The following NCAPD3 variants were observed in gnomAD, a reference collection of about 807,000 sequenced individuals.
NCAPD3 encodes the protein condensin-2 complex subunit D3.
NCAPD3 carries 105 observed loss-of-function variants against 182.9 expected under a neutral mutation model. That is an observed-to-expected ratio of 0.57 (90% CI 0.49 to 0.68). The LOEUF is 0.68. Ranked by LOEUF, NCAPD3 falls within the 30% of genes least tolerant of loss-of-function variation. The pLI, the probability that NCAPD3 is intolerant of heterozygous loss-of-function variation, is 0.00. For missense variants in NCAPD3, 1,944 were observed against 1,837.0 expected, an observed-to-expected ratio of 1.06 and a Z score of -1.07; for synonymous variants, 815 against 679.9, an observed-to-expected ratio of 1.20 and a Z score of -3.09.
intron 16 of NCAPD3, among the ~76,000 whole-genome samples, chr11:134,189,472 C>T (rs972772536): frequency 3.3e-5 from 5 of 152,150 alleles, no homozygotes; most frequent in Admixed American, 6.5e-5. Flanking sequence ...AGTTTTGGCA[C>T]GTATTCAGTT....
rs755076357 is a variant in NCAPD3, at chr11:134,210,438, T to C, written c.399A>G (p.Gln133=). ...LLEVPGSVAN[Q]VFHPVMFDKC... ...TGTCAAACATCACTGGGTGGAATACTTGATTGGCTACACTGCCTATTCATG... is the reference window on the plus strand; with the variant it reads ...TGTCAAACATCACTGGGTGGAATACCTGATTGGCTACACTGCCTATTCATG... The change falls in exon 4 of 35, where the codon CAA becomes CAG. Residue 133 remains glutamine, a synonymous_variant. Coordinates refer to ENST00000534548, the MANE Select transcript of NCAPD3 (RefSeq NM_015261.3). The C allele has an allele frequency of 6.2e-7, 1 of 1,613,900 alleles. No individual in the cohort carries two copies. The highest frequency in any genetic ancestry group is 1.7e-5 in the Admixed American group (1 of 59,988).
At chr11:134,212,590 C>T (rs1009567083) in intron 3 of NCAPD3, among the ~76,000 whole-genome samples, 2 of 152,056 alleles carry the variant, frequency 1.3e-5, no homozygotes, top group African/African-American at 4.8e-5. Flanking sequence ...ATGGGTTTCA[C>T]CATGTTGGCC....
chr11:134,185,383 G>C lies in NCAPD3; in HGVS notation c.2189C>G (p.Pro730Arg). The change falls in exon 17 of 35, where the codon CCC becomes CGC. Residue 730 changes from proline to arginine, a missense_variant. This residue lies in a region of NCAPD3 where 1,803 missense variants were observed against 1,674.6 expected (regional missense o/e 1.08). Transcript: ENST00000534548. ...TATTATTCTGCTGTAGTCCAGCCTGGGTGAGGAGCCAGCAATCTTGGAGAG... is the reference window on the plus strand; with the variant it reads ...TATTATTCTGCTGTAGTCCAGCCTGCGTGAGGAGCCAGCAATCTTGGAGAG... ...MLLSKIAGSS[P>R]RLDYSRIIQS... The C allele has an allele frequency of 6.2e-7, 1 of 1,613,850 alleles. No individual in the cohort carries two copies. Among genetic ancestry groups the C allele is most frequent in the Non-Finnish European group, 8.5e-7 (1 of 1,179,908 alleles).
At chr11:134,185,041 T>TA (rs530236277) in intron 17 of NCAPD3, 41 bp from the exon 18 acceptor site, 22 of 1,445,540 alleles carry the variant, frequency 1.5e-5, no homozygotes, top group Non-Finnish European at 2.1e-5. Context: ...AGAAGCAAGT[T>TA]AAACACTGCT....
rs2135960567 is a variant in NCAPD3 at position 134,168,526 on chromosome 11, G to A, written c.3316C>T (p.His1106Tyr). The change falls in exon 26 of 35, where the codon CAC becomes TAC. Residue 1106 changes from histidine to tyrosine, a missense_variant. Physicochemically the swap from His to Tyr is moderately conservative, Grantham distance 83 (BLOSUM62 2). This residue lies in a region of NCAPD3 where 1,803 missense variants were observed against 1,674.6 expected (regional missense o/e 1.08). Transcript: ENST00000534548. ...TTGAATCGCTGTTCATCTGTGAAGTGCTCTAGAAGAAATTTGTAGATTTTC... is the reference window on the plus strand; with the variant it reads ...TTGAATCGCTGTTCATCTGTGAAGTACTCTAGAAGAAATTTGTAGATTTTC... Reference protein sequence around the residue: ...RMKIYKFLLEHFTDEQRFNIT... With the variant: ...RMKIYKFLLEYFTDEQRFNIT... The A allele has an allele frequency of 6.2e-7, 1 of 1,614,184 alleles. No homozygotes were observed. Among genetic ancestry groups the A allele is most frequent in the African/African-American group, 1.3e-5 (1 of 75,046 alleles).
chr11:134,193,946 G>C, intron 15 of NCAPD3, 70 bp downstream of exon 15: 2 of 1,479,662 alleles, frequency 1.4e-6, no homozygotes, highest in Non-Finnish European at 1.9e-6. Flanking sequence ...TTAGCAGCAG[G>C]TAATTATTGT....
At chr11:134,192,381 T>G (rs527390573) in intron 16 of NCAPD3, among the ~76,000 whole-genome samples, 105 of 152,312 alleles carry the variant, frequency 6.9e-4, no homozygotes, top group African/African-American at 2.4e-3. Flanking sequence ...TAACCAGTAT[T>G]GGGGAAAGGT....
intron 27 of NCAPD3, among the ~76,000 whole-genome samples, chr11:134,162,616 TAA>T (rs1298915221): frequency 6.6e-6 from 1 of 152,200 alleles, no homozygotes; most frequent in South Asian, 2.1e-4. Context: ...TACTCATTTC[TAA>T]AAAGTCTTAT....
rs568529607 is a variant in NCAPD3 at position 134,211,359 on chromosome 11, A to C, written c.383-905T>G. On this transcript the variant is annotated intron_variant, in intron 3 of 34. Transcript: ENST00000534548. ...CACTCAACAACATTCCAAATGCCCA[A>C]CATCCTGGCTAAGGGCAGTGGCTCA... is the stretch of plus-strand genomic sequence containing the variant. Among the ~76,000 whole-genome samples the C allele has an allele frequency of 3.9e-5, 6 of 152,306 alleles. No individual in the cohort carries two copies. In the South Asian group the frequency reaches 1.2e-3, roughly 32 times the overall value.
chr11:134,159,516 G>A (rs1409765483), intron 29 of NCAPD3, among the ~76,000 whole-genome samples: 1 of 152,224 alleles, frequency 6.6e-6, no homozygotes, highest in Non-Finnish European at 1.5e-5. Context: ...CAAGAGATCT[G>A]CCTGCATTCC....
chr11:134,165,788 G>C (rs1395215969), intron 27 of NCAPD3, among the ~76,000 whole-genome samples: 3 of 136,330 alleles, frequency 2.2e-5, no homozygotes, highest in Non-Finnish European at 4.6e-5. Context: ...CGTGAGAGGA[G>C]CTTAGGGGAG....
chr11:134,186,802 G>A (rs1257491026), intron 16 of NCAPD3, among the ~76,000 whole-genome samples: 1 of 152,108 alleles, frequency 6.6e-6, no homozygotes, highest in East Asian at 1.9e-4. Flanking sequence ...ATAAGCATAT[G>A]CATATAAATG....
chr11:134,153,143 T>G lies in NCAPD3; in HGVS notation c.4385A>C (p.Lys1462Thr). The change falls in exon 34 of 35, where the codon AAA (lysine) becomes ACA (threonine). Residue 1462 changes from lysine to threonine, a missense_variant. Lys to Thr is a moderately conservative substitution (Grantham distance 78). This residue lies in a region of NCAPD3 where 1,803 missense variants were observed against 1,674.6 expected (regional missense o/e 1.08). Transcript: ENST00000534548. ...AAAGGAACACTGCTAAACTTACGGT[T>G]TATCAGGCAGTGATAAACATAAGAT... ...NDILCLSLPD[K>T]PPPQPQQWNV... 6.2e-7 allele frequency: 1 copy of G among 1,613,992 alleles called. No individual in the cohort carries two copies. Among genetic ancestry groups the G allele is most frequent in the African/African-American group, 1.3e-5 (1 of 74,994 alleles).
upstream of NCAPD3, chr11:134,224,557 GC>G (rs1938382384): frequency 6.6e-6 from 1 of 152,328 alleles, no homozygotes; most frequent in Admixed American, 6.5e-5. Flanking sequence ...CCCTGCGCAT[GC>G]GCAGCGAGCT....
intron 24 of NCAPD3, among the ~76,000 whole-genome samples, chr11:134,174,044 A>G (rs1944093959): frequency 1.3e-5 from 2 of 152,120 alleles, no homozygotes; most frequent in South Asian, 4.1e-4. Context: ...AAAAAATTCA[A>G]TAGGCTCTGC....
At chr11:134,200,299 A>T (rs1479178913) in intron 13 of NCAPD3, among the ~76,000 whole-genome samples, 1 of 152,226 alleles carries the variant, frequency 6.6e-6, no homozygotes, top group African/African-American at 2.4e-5. Context: ...CCATTTGAAA[A>T]GACAACCCAC....
At position 134,168,938 on chromosome 11, in the gene NCAPD3, T is replaced by A; in HGVS notation, c.3218A>T (p.Asn1073Ile). ...FNNYEKHEKY[N>I]KFPQSEREKR... ...TGACCTCTCTGACTGGGGGAACTTG[T>A]TGTACTTCTCATGCTTCTCATAGTT... The change falls in exon 25 of 35, where the codon AAC becomes ATC. Residue 1073 changes from asparagine (N) to isoleucine (I), a missense_variant. Around this residue, in one of 3 missense-constraint regions of NCAPD3, gnomAD observed 1,803 missense variants for 1,674.6 expected, o/e 1.08. Coordinates refer to ENST00000534548, the MANE Select transcript of NCAPD3 (RefSeq NM_015261.3). The A allele has an allele frequency of 1.2e-6, 2 of 1,613,854 alleles. No homozygotes were observed. Among genetic ancestry groups the A allele is most frequent in the Non-Finnish European group, 1.7e-6 (2 of 1,179,854 alleles).
intron 32 of NCAPD3, 143 bp from the exon 33 acceptor site, chr11:134,153,506 G>T (rs553884806): frequency 6.2e-6 from 5 of 811,604 alleles, no homozygotes; most frequent in African/African-American, 3.4e-5. Flanking sequence ...CCTGTCCCAG[G>T]GCCTGGCAGT....
chr11:134,169,313 G>A (rs947562226), intron 24 of NCAPD3, among the ~76,000 whole-genome samples: 8 of 152,184 alleles, frequency 5.3e-5, no homozygotes, highest in African/African-American at 1.9e-4. Flanking sequence ...GACACAAGGT[G>A]TTGTCATCCA....
Sources: gnomAD v4.1 joint callset for allele counts (sites outside exome capture counted in the v4.1 genomes callset) on GRCh38, gnomAD v4.1.1 for gene constraint, gnomAD v4.1.1 regional missense constraint, MANE v1.5 for transcripts, NCBI Gene and HGNC (gene_info 2026-07-23, HGNC 2026-07-21) for gene names.